The following LPCAT2 variants were observed in gnomAD, a reference collection of about 807,000 sequenced individuals.
LPCAT2 encodes lysophosphatidylcholine acyltransferase 2, also known as 1-AGP acyltransferase 11.
A neutral mutation model predicts 64.7 loss-of-function variants in LPCAT2; 58 were observed. The observed-to-expected ratio is 0.90, with a 90% CI of 0.73 to 1.12. The LOEUF (loss-of-function observed/expected upper bound fraction) is 1.12, where lower values mean the gene tolerates loss of function less well. Ranked by LOEUF, LPCAT2 falls within the 50% of genes most tolerant of loss-of-function variation. The probability of loss-of-function intolerance (pLI) is 0.00; values close to 1 mark genes in which losing one functional copy is unlikely to be tolerated. For missense variants in LPCAT2, 579 were observed against 669.8 expected (o/e 0.86, Z 1.50); for synonymous variants, 252 against 245.3 (o/e 1.03, Z -0.26).
chr16:55,539,129 G>A (rs186011139), intron 8 of LPCAT2: 41 of 151,646 alleles, frequency 2.7e-4, no homozygotes, highest in Non-Finnish European at 4.6e-4. Context: ...ATACAAAGCT[G>A]TCTTTTTTGC....
At chr16:55,552,593 A>C (rs564897851) in intron 11 of LPCAT2, among the ~76,000 whole-genome samples, 1 of 152,306 alleles carries the variant, frequency 6.6e-6, no homozygotes, top group South Asian at 2.1e-4. Context: ...TAGCACTGCA[A>C]TAGAGGGAGT....
Position 55,580,028 on chromosome 16 carries a change from T to G in LPCAT2, c.1450+784T>G, listed in dbSNP as rs115464257. ...GACCAAGATAATTGTTTCCCTGTCT[T>G]GGGTTTGATGTGGTCATGGATGTCA... On this transcript the variant is annotated intron_variant, in intron 13 of 13. Transcript: ENST00000262134. 9.7e-3 allele frequency among the ~76,000 whole-genome samples: 1,481 copies of G among 152,266 alleles called. 28 individuals carry two copies. The highest frequency in any genetic ancestry group is 0.034 in the African/African-American group (1,399 of 41,558).
At chr16:55,545,160 A>G (rs1381170967) in intron 8 of LPCAT2, among the ~76,000 whole-genome samples, 1 of 152,220 alleles carries the variant, frequency 6.6e-6, no homozygotes, top group African/African-American at 2.4e-5. Flanking sequence ...GAAAAAGTAG[A>G]ATTAAAAATG....
intron 1 of LPCAT2, among the ~76,000 whole-genome samples, chr16:55,516,932 A>T (rs1356307056): frequency 6.6e-6 from 1 of 152,248 alleles, no homozygotes; most frequent in Non-Finnish European, 1.5e-5. Flanking sequence ...AATACAAAGT[A>T]TGTTCTCTGA....
chr16:55,549,242 A>T (rs1290580626), intron 9 of LPCAT2, 35 bp from the exon 10 acceptor site: 2 of 1,502,540 alleles, frequency 1.3e-6, no homozygotes, highest in African/African-American at 1.5e-5. Context: ...TTTTTTAAAA[A>T]AAATGAATTT....
chr16:55,561,793 CT>C (rs1193496409), intron 11 of LPCAT2, among the ~76,000 whole-genome samples: 1 of 151,940 alleles, frequency 6.6e-6, no homozygotes, highest in Admixed American at 6.6e-5. Context: ...TTTTGTGATA[CT>C]TTTGCTGAGT....
chr16:55,519,700 A>G (rs1334175753), intron 1 of LPCAT2, among the ~76,000 whole-genome samples: 1 of 152,166 alleles, frequency 6.6e-6, no homozygotes, highest in African/African-American at 2.4e-5. Context: ...TAACCATTTA[A>G]TACAAAAATT....
chr16:55,551,278 G>T (rs1289148240), intron 11 of LPCAT2, 176 bp downstream of exon 11: 3 of 378,456 alleles, frequency 7.9e-6, no homozygotes, highest in Non-Finnish European at 1.4e-5. Flanking sequence ...TAATAATTGT[G>T]TGTGTGTATT....
intron 1 of LPCAT2, among the ~76,000 whole-genome samples, chr16:55,524,603 T>C (rs1408876359): frequency 6.6e-6 from 1 of 151,988 alleles, no homozygotes; most frequent in Admixed American, 6.6e-5. Flanking sequence ...TTTTTCTAAA[T>C]TATTTGATGG....
Position 55,549,260 on chromosome 16 carries a change from C to T in LPCAT2, c.936-17C>T. 1.3e-6 allele frequency: 2 copies of T among 1,519,564 alleles called. No homozygotes were observed. Among genetic ancestry groups the T allele is most frequent in the South Asian group, 1.3e-5 (1 of 75,460 alleles). 94.1% of individuals were successfully genotyped at this position (1,519,564 alleles called of 1,614,324 possible). On this transcript the variant is annotated splice_polypyrimidine_tract_variant and intron_variant, in intron 9 of 13. Transcript: ENST00000262134. ...TTTAAAAAAAATGAATTTTAGTTTG[C>T]TTCTTAATACTTTTAGAGCTCTGGG...
intron 1 of LPCAT2, among the ~76,000 whole-genome samples, chr16:55,524,839 T>TA (rs1322550021): frequency 6.6e-6 from 1 of 152,098 alleles, no homozygotes; most frequent in Non-Finnish European, 1.5e-5. Flanking sequence ...CCCTCTGTGT[T>TA]ACTCCTTTCT....
chr16:55,516,131 G>A (rs1467119976), intron 1 of LPCAT2, among the ~76,000 whole-genome samples: 1 of 152,106 alleles, frequency 6.6e-6, no homozygotes, highest in Non-Finnish European at 1.5e-5. Context: ...TAAAGGCAGG[G>A]TCTCACTCTG....
chr16:55,574,828 T>A, intron 12 of LPCAT2, 99 bp downstream of exon 12: 1 of 867,004 alleles, frequency 1.2e-6, no homozygotes, highest in Non-Finnish European at 1.9e-6. Flanking sequence ...TATGTGATTT[T>A]ATAGATCTGC....
Position 55,536,231 on chromosome 16 carries a change from A to G in LPCAT2, c.798-1347A>G, listed in dbSNP as rs550935158. ...AGAAACAGATTTTATACCAAAACGAATATCCCAAGGAAAAGGAGACTTGGA... is the reference window on the plus strand; with the variant it reads ...AGAAACAGATTTTATACCAAAACGAGTATCCCAAGGAAAAGGAGACTTGGA... On this transcript the variant is annotated intron_variant, in intron 7 of 13. Coordinates refer to ENST00000262134, the MANE Select transcript of LPCAT2 (RefSeq NM_017839.5). Among the ~76,000 whole-genome samples, 49 of 152,310 alleles carry G rather than the reference A, an allele frequency of 3.2e-4. No homozygotes were observed. In the Middle Eastern group the frequency reaches 0.01, roughly 32 times the overall value.
rs750211319 is a variant in LPCAT2, at chr16:55,529,863, G to A, written c.558G>A (p.Leu186=). ...TGTTACGGGCTGTGCAACCAGTTTTGGTGTCCCGTGTAGATCCGGATTCCC... is the reference window on the plus strand; with the variant it reads ...TGTTACGGGCTGTGCAACCAGTTTTAGTGTCCCGTGTAGATCCGGATTCCC... ...GRLLRAVQPV[L]VSRVDPDSRK... is the part of the protein sequence containing the mutation. The change falls in exon 4 of 14, where the codon TTG becomes TTA. Residue 186 remains leucine (L), a synonymous_variant. Coordinates refer to ENST00000262134, the MANE Select transcript of LPCAT2 (RefSeq NM_017839.5). The A allele has an allele frequency of 1.9e-6, 3 of 1,611,466 alleles. No individual in the cohort carries two copies. Among genetic ancestry groups the A allele is most frequent in the Non-Finnish European group, 2.5e-6 (3 of 1,178,958 alleles).
intron 11 of LPCAT2, among the ~76,000 whole-genome samples, chr16:55,568,608 C>T (rs148842452): frequency 1.6e-4 from 24 of 152,006 alleles, no homozygotes; most frequent in African/African-American, 4.6e-4. Flanking sequence ...GAGGTGGGGC[C>T]CAGAGATGAA....
intron 11 of LPCAT2, among the ~76,000 whole-genome samples, chr16:55,561,963 A>G (rs758708747): frequency 5.9e-5 from 9 of 152,038 alleles, no homozygotes; most frequent in Non-Finnish European, 1.3e-4. Context: ...TCCCTTGGCT[A>G]CTATTCTCTC....
intron 1 of LPCAT2, among the ~76,000 whole-genome samples, chr16:55,521,469 CTAGTTT>C (rs1567391494): frequency 6.6e-6 from 1 of 151,674 alleles, no homozygotes; most frequent in African/African-American, 2.4e-5. Flanking sequence ...CAGTACCTAA[CTAGTTT>C]TATGGGGCTA....
intron 2 of LPCAT2, among the ~76,000 whole-genome samples, chr16:55,526,702 A>G (rs1426543279): frequency 6.6e-6 from 1 of 152,084 alleles, no homozygotes; most frequent in Non-Finnish European, 1.5e-5. Flanking sequence ...TTTATGACTC[A>G]CCAATTCTTT....
Sources: gnomAD v4.1 joint callset for allele counts (sites outside exome capture counted in the v4.1 genomes callset) on GRCh38, gnomAD v4.1.1 for gene constraint, MANE v1.5 for transcripts, NCBI Gene and HGNC (gene_info 2026-07-23, HGNC 2026-07-21) for gene names.